The following CHST9 variants were observed in gnomAD, a reference collection of about 807,000 sequenced individuals.
The protein encoded by CHST9 is carbohydrate sulfotransferase 9.
A neutral mutation model predicts 44.4 loss-of-function variants in CHST9; 41 were observed. The observed-to-expected ratio is 0.92, with a 90% CI of 0.72 to 1.20. The LOEUF is 1.20. CHST9 is among the 50% of genes most tolerant of loss of function. The pLI is 0.00. For missense variants in CHST9, 504 were observed against 516.5 expected, an observed-to-expected ratio of 0.98 and a Z score of 0.23; for synonymous variants, 171 against 178.4, an observed-to-expected ratio of 0.96 and a Z score of 0.33.
At chr18:27,030,284 G>T (rs114569265) in intron 3 of CHST9, among the ~76,000 whole-genome samples, 131 of 152,220 alleles carry the variant, frequency 8.6e-4, no homozygotes, top group African/African-American at 3.1e-3. Context: ...GTTTTTAACC[G>T]ATCTGGTTAT....
chr18:27,178,682 C>T (rs1398679001), intron 1 of CHST9, among the ~76,000 whole-genome samples: 2 of 151,848 alleles, frequency 1.3e-5, no homozygotes, highest in Admixed American at 6.6e-5. Flanking sequence ...TGTTGGTGTG[C>T]TTTTAGGATG....
chr18:27,150,125 A>C (rs1041447735), intron 1 of CHST9, among the ~76,000 whole-genome samples: 1 of 131,580 alleles, frequency 7.6e-6, no homozygotes, highest in Non-Finnish European at 1.7e-5. Flanking sequence ...CTTTCTCTTT[A>C]TCTTCTTTTT....
At chr18:27,142,139 C>T (rs1182919030) in intron 2 of CHST9, among the ~76,000 whole-genome samples, 1 of 152,068 alleles carries the variant, frequency 6.6e-6, no homozygotes, top group African/African-American at 2.4e-5. Context: ...TAATCTATGG[C>T]TGCTTCTTGA....
chr18:27,009,290 T>G (rs1329055192), intron 4 of CHST9, among the ~76,000 whole-genome samples: 2 of 152,196 alleles, frequency 1.3e-5, no homozygotes, highest in African/African-American at 4.8e-5. Context: ...GAGCCCATTC[T>G]GTAAAATAAT....
chr18:27,053,084 AAAG>A (rs992277644), intron 2 of CHST9, among the ~76,000 whole-genome samples: 34 of 149,976 alleles, frequency 2.3e-4, no homozygotes, highest in African/African-American at 8.4e-4. Flanking sequence ...AACTTAAAGT[AAAG>A]AAGAAGAAGA....
At chr18:26,979,001 T>G (rs75957035) in intron 4 of CHST9, among the ~76,000 whole-genome samples, 203 of 151,818 alleles carry the variant, frequency 1.3e-3, no homozygotes, top group Admixed American at 2.3e-3. Context: ...GTTGTTTCCG[T>G]TTTTTTTATT....
chr18:27,060,581 G>T (rs1246965543), intron 2 of CHST9, among the ~76,000 whole-genome samples: 1 of 152,146 alleles, frequency 6.6e-6, no homozygotes, highest in Non-Finnish European at 1.5e-5. Context: ...ACAAGACTAA[G>T]AATTTGGCAT....
intron 2 of CHST9, among the ~76,000 whole-genome samples, chr18:27,060,971 T>G (rs536035519): frequency 1.2e-4 from 18 of 152,222 alleles, no homozygotes; most frequent in Non-Finnish European, 2.1e-4. Context: ...AAAAGATTTT[T>G]CTTGCCAATA....
chr18:27,068,104 A>T (rs894826521), intron 2 of CHST9, among the ~76,000 whole-genome samples: 1 of 152,120 alleles, frequency 6.6e-6, no homozygotes, highest in East Asian at 1.9e-4. Flanking sequence ...AAGAACCTGT[A>T]TATGTTACAG....
chr18:27,136,355 G>A (rs1224113272), intron 2 of CHST9, among the ~76,000 whole-genome samples: 1 of 152,192 alleles, frequency 6.6e-6, no homozygotes, highest in Admixed American at 6.5e-5. Flanking sequence ...CAGGAATGTG[G>A]TGTGGTCTGG....
chr18:27,053,143 GAAGAAGAAGAAGAA>G (rs1568150843), intron 2 of CHST9, among the ~76,000 whole-genome samples: 2 of 128,576 alleles, frequency 1.6e-5, no homozygotes, highest in Non-Finnish European at 3.3e-5. Context: ...AGAAGAAGAA[GAAGAAGAAGAAGAA>G]GAAGAAGAAG....
chr18:26,982,493 C>A (rs145378828), intron 4 of CHST9, among the ~76,000 whole-genome samples: 594 of 152,154 alleles, frequency 3.9e-3, no homozygotes, highest in African/African-American at 6.5e-3. Context: ...CACTAAGGAA[C>A]CTTTTGGTTC....
At chr18:27,140,998 C>T (rs1250538008) in intron 2 of CHST9, among the ~76,000 whole-genome samples, 1 of 152,146 alleles carries the variant, frequency 6.6e-6, no homozygotes, top group African/African-American at 2.4e-5. Flanking sequence ...CAGTGGCTTA[C>T]GCCTATAATC....
intron 4 of CHST9, among the ~76,000 whole-genome samples, chr18:27,009,370 T>C (rs535224482): frequency 1.3e-4 from 20 of 152,288 alleles, no homozygotes; most frequent in Admixed American, 1.2e-3. Context: ...TACATGCTCA[T>C]TTTTCTAGAA....
chr18:27,074,335 T>C (rs2057875767), intron 2 of CHST9, among the ~76,000 whole-genome samples: 1 of 152,192 alleles, frequency 6.6e-6, no homozygotes, highest in Non-Finnish European at 1.5e-5. Context: ...ATACCATCTA[T>C]GGAGTAACTG....
chr18:26,991,804 T>A lies in CHST9; in HGVS notation c.202+32312A>T, dbSNP rs190810321. 2.3e-4 allele frequency among the ~76,000 whole-genome samples: 29 copies of A among 127,012 alleles called. 5 individuals are homozygous for A. Among genetic ancestry groups the A allele is most frequent in the African/African-American group, 6.4e-4 (24 of 37,678 alleles). 83.3% of individuals were successfully genotyped at this position (127,012 alleles called of 152,430 possible). A position where few individuals can be genotyped will look rare whatever the true frequency, so the allele number is the denominator to read the frequency against. On this transcript the variant is annotated intron_variant, in intron 4 of 5. Transcript: ENST00000618847. ...CGAGGACTAAGACCTGACCACTGGA[T>A]CTAGTAATAGGGTGTTCATTGATGG...
At chr18:27,120,639 T>A (rs1456046150) in intron 2 of CHST9, among the ~76,000 whole-genome samples, 16 of 152,212 alleles carry the variant, frequency 1.1e-4, no homozygotes, top group Admixed American at 1.0e-3. Context: ...AACCCTTGTC[T>A]CACTCCTAGT....
intron 2 of CHST9, among the ~76,000 whole-genome samples, chr18:27,126,846 C>T (rs2058428482): frequency 6.6e-6 from 1 of 152,000 alleles, no homozygotes; most frequent in African/African-American, 2.4e-5. Flanking sequence ...GCTGCAGCAA[C>T]CTCAGAAAAG....
chr18:26,964,508 G>A (rs1455247419), intron 4 of CHST9, among the ~76,000 whole-genome samples: 2 of 152,196 alleles, frequency 1.3e-5, no homozygotes, highest in Admixed American at 6.5e-5. Flanking sequence ...CCAGCTTACA[G>A]TTATGGAAGT....
Sources: gnomAD v4.1 joint callset for allele counts (sites outside exome capture counted in the v4.1 genomes callset) on GRCh38, gnomAD v4.1.1 for gene constraint, MANE v1.5 for transcripts, NCBI Gene and HGNC (gene_info 2026-07-23, HGNC 2026-07-21) for gene names.